The following SETBP1 variants were observed in gnomAD, a reference collection of about 807,000 sequenced individuals.
SETBP1 encodes the protein SET binding protein 1.
A neutral mutation model predicts 101.0 loss-of-function variants in SETBP1; 9 were observed. The observed-to-expected ratio is 0.09, with a 90% CI of 0.05 to 0.16. The LOEUF (loss-of-function observed/expected upper bound fraction) is 0.16, where lower values mean the gene tolerates loss of function less well. SETBP1 is among the 10% of genes least tolerant of loss of function. The pLI is 1.00. For synonymous variants in SETBP1, 818 were observed against 788.5 expected (o/e 1.04, Z -0.63); for missense variants, 1,858 against 2,033.8 (o/e 0.91, Z 1.66).
intron 2 of SETBP1, among the ~76,000 whole-genome samples, chr18:44,813,105 G>A (rs1475181172): frequency 2.6e-5 from 4 of 152,070 alleles, no homozygotes; most frequent in East Asian, 3.9e-4. Flanking sequence ...AAACCAATGC[G>A]GTTTCTCTGT....
At chr18:44,860,974 T>A (rs560676415) in intron 2 of SETBP1, among the ~76,000 whole-genome samples, 1 of 152,326 alleles carries the variant, frequency 6.6e-6, no homozygotes, top group African/African-American at 2.4e-5. Flanking sequence ...GTATGTAGTA[T>A]CCTTCTCTGT....
chr18:44,702,333 C>T (rs781360985), intron 2 of SETBP1, among the ~76,000 whole-genome samples: 2 of 152,030 alleles, frequency 1.3e-5, no homozygotes, highest in Non-Finnish European at 2.9e-5. Flanking sequence ...AAGTTCAAGC[C>T]CGTGTTGTTC....
chr18:44,906,067 G>A (rs1287221745), intron 3 of SETBP1, among the ~76,000 whole-genome samples: 5 of 152,216 alleles, frequency 3.3e-5, no homozygotes, highest in East Asian at 3.9e-4. Context: ...AAGGTCAGTC[G>A]CTTCATGATA....
rs563580187 is a variant in SETBP1, at chr18:44,782,935, G to T, written c.486+81103G>T. 2.0e-5 allele frequency among the ~76,000 whole-genome samples: 3 copies of T among 152,066 alleles called. No individual in the cohort carries two copies. The East Asian group carries it at 5.8e-4, about 29-fold the overall frequency. On this transcript the variant is annotated intron_variant, in intron 2 of 5. Coordinates refer to ENST00000649279, the MANE Select transcript of SETBP1 (RefSeq NM_015559.3). ...TTTTCTTAAAAATTAATTTTTGGGG[G>T]TACGTAGTAGGTGTGTATATTTATC...
At position 44,905,521 on chromosome 18, in the gene SETBP1, C is replaced by G. The variant is rs2070154404; in HGVS notation, c.540+36238C>G. ...TAATTAGTAAATTAATTACCAGTAC[C>G]CAGATTTCAGTTATGGGTGCTAAGA... is the stretch of plus-strand genomic sequence containing the variant. On this transcript the variant is annotated intron_variant, in intron 3 of 5. Transcript: ENST00000649279. Among the ~76,000 whole-genome samples the G allele has an allele frequency of 2.0e-5, 3 of 152,054 alleles. No individual in the cohort carries two copies. In the South Asian group the frequency reaches 6.2e-4, roughly 32 times the overall value.
intron 2 of SETBP1, among the ~76,000 whole-genome samples, chr18:44,856,658 A>G (rs528246603): frequency 1.3e-5 from 2 of 152,228 alleles, no homozygotes; most frequent in Non-Finnish European, 2.9e-5. Flanking sequence ...TGAAAGGGTA[A>G]ATATTTAAAG....
chr18:44,958,432 G>A (rs945486748), intron 4 of SETBP1, among the ~76,000 whole-genome samples: 1 of 152,100 alleles, frequency 6.6e-6, no homozygotes, highest in Non-Finnish European at 1.5e-5. Flanking sequence ...GACACAAATA[G>A]GTTAGAACAC....
intron 2 of SETBP1, among the ~76,000 whole-genome samples, chr18:44,772,601 G>C (rs571709407): frequency 7.2e-5 from 11 of 152,244 alleles, no homozygotes; most frequent in African/African-American, 2.4e-4. Context: ...AGAGTGATGC[G>C]TCTGTTCTTG....
At chr18:44,803,075 C>G (rs1246823587) in intron 2 of SETBP1, among the ~76,000 whole-genome samples, 2 of 152,064 alleles carry the variant, frequency 1.3e-5, no homozygotes, top group Non-Finnish European at 2.9e-5. Context: ...CAGAGAAGGT[C>G]TCGGGAGAGA....
At chr18:44,698,882 T>G (rs2069064095) in intron 1 of SETBP1, among the ~76,000 whole-genome samples, 1 of 152,134 alleles carries the variant, frequency 6.6e-6, no homozygotes, top group Non-Finnish European at 1.5e-5. Flanking sequence ...TTTTATGACT[T>G]GAATTTTAAG....
intron 2 of SETBP1, among the ~76,000 whole-genome samples, chr18:44,737,460 G>A (rs2069994460): frequency 6.6e-6 from 1 of 152,158 alleles, no homozygotes; most frequent in Non-Finnish European, 1.5e-5. Context: ...GATTTGCCTT[G>A]GGAGTACACT....
At chr18:44,875,052 A>G (rs572045681) in intron 3 of SETBP1, among the ~76,000 whole-genome samples, 3 of 152,342 alleles carry the variant, frequency 2.0e-5, no homozygotes, top group East Asian at 3.9e-4. Flanking sequence ...ATGGAAGGCA[A>G]CTGGGGGAGT....
chr18:44,976,223 C>A (rs959476101), intron 4 of SETBP1, among the ~76,000 whole-genome samples: 1 of 152,108 alleles, frequency 6.6e-6, no homozygotes, highest in African/African-American at 2.4e-5. Flanking sequence ...GCGGCAGGTG[C>A]TGAGGAACAG....
intron 4 of SETBP1, among the ~76,000 whole-genome samples, chr18:45,037,678 CA>C (rs1235136164): frequency 6.6e-6 from 1 of 152,142 alleles, no homozygotes; most frequent in Non-Finnish European, 1.5e-5. Flanking sequence ...GTTTGTTACA[CA>C]GGAAATTTCT....
Position 45,063,773 on chromosome 18 carries a change from G to A in SETBP1, c.*75G>A, listed in dbSNP as rs1041319951. On this transcript the variant is annotated 3_prime_UTR_variant, in exon 6 of 6. Transcript: ENST00000649279. The stretch of plus-strand genomic sequence containing the variant: ...AGCGCAGTGAGCCGGGGCGGGGGCG[G>A]AATCCCCCGCTGCAGGGACACCCAC... The A allele has an allele frequency of 1.5e-5, 22 of 1,496,648 alleles. No individual in the cohort carries two copies. Among genetic ancestry groups the A allele is most frequent in the Admixed American group, 9.9e-5 (5 of 50,424 alleles). 92.7% of individuals were successfully genotyped at this position (1,496,648 alleles called of 1,614,324 possible).
At chr18:44,785,464 T>A (rs1282428252) in intron 2 of SETBP1, among the ~76,000 whole-genome samples, 1 of 152,226 alleles carries the variant, frequency 6.6e-6, no homozygotes, top group Non-Finnish European at 1.5e-5. Context: ...TGTATTGTTT[T>A]TCTTTTTTTA....
chr18:44,860,811 A>G (rs530580669), intron 2 of SETBP1, among the ~76,000 whole-genome samples: 33 of 152,070 alleles, frequency 2.2e-4, no homozygotes, highest in Non-Finnish European at 4.7e-4. Context: ...ACTCATGCAC[A>G]TATTAAAGGC....
At chr18:44,902,788 A>G (rs943208889) in intron 3 of SETBP1, among the ~76,000 whole-genome samples, 1 of 152,024 alleles carries the variant, frequency 6.6e-6, no homozygotes, top group Admixed American at 6.6e-5. Flanking sequence ...GACTTATGTT[A>G]TTGGGATTAT....
chr18:44,772,145 G>A (rs2070888084), intron 2 of SETBP1, among the ~76,000 whole-genome samples: 1 of 152,042 alleles, frequency 6.6e-6, no homozygotes, highest in Admixed American at 6.5e-5. Context: ...CTCAGCATGT[G>A]AGTTTGATCT....
Sources: gnomAD v4.1 joint callset for allele counts (sites outside exome capture counted in the v4.1 genomes callset) on GRCh38, gnomAD v4.1.1 for gene constraint, MANE v1.5 for transcripts, NCBI Gene and HGNC (gene_info 2026-07-23, HGNC 2026-07-21) for gene names.